The following PCDH15 variants were observed in gnomAD, a reference collection of about 807,000 sequenced individuals.
PCDH15 encodes the protein protocadherin related 15.
Under a neutral mutation model 178.5 loss-of-function variants are expected in PCDH15, and 129 were observed. That is an observed-to-expected ratio of 0.72 (90% CI 0.63 to 0.84). The LOEUF (loss-of-function observed/expected upper bound fraction) is 0.84, where lower values mean the gene tolerates loss of function less well. Ranked by LOEUF, PCDH15 falls within the 40% of genes least tolerant of loss-of-function variation. The pLI is 0.00. For synonymous variants in PCDH15, 800 were observed against 732.0 expected (o/e 1.09, Z -1.50); for missense variants, 2,230 against 2,099.9 (o/e 1.06, Z -1.21).
At chr10:54,477,918 A>G (rs1565375748) in intron 3 of PCDH15, among the ~76,000 whole-genome samples, 2 of 152,196 alleles carry the variant, frequency 1.3e-5, no homozygotes, top group South Asian at 4.1e-4. Flanking sequence ...AAAATGAAAT[A>G]CTTACTTGGC....
At chr10:54,465,185 C>T (rs963991757) in intron 3 of PCDH15, among the ~76,000 whole-genome samples, 4 of 152,024 alleles carry the variant, frequency 2.6e-5, no homozygotes, top group African/African-American at 7.2e-5. Flanking sequence ...TTTTGTTACA[C>T]GCGTATAACA....
intron 8 of PCDH15, among the ~76,000 whole-genome samples, chr10:54,276,146 T>C (rs888003893): frequency 6.6e-6 from 1 of 151,710 alleles, no homozygotes; most frequent in Non-Finnish European, 1.5e-5. Flanking sequence ...GAAAAACTGA[T>C]ACTCTTGAAG....
intron 26 of PCDH15, among the ~76,000 whole-genome samples, chr10:53,888,289 T>TATATATATATATATATATATAC (rs756987649): frequency 1.8e-5 from 1 of 54,612 alleles, no homozygotes; most frequent in Non-Finnish European, 2.9e-5. Context: ...ACACTATATA[T>TATATATATATATATATATATAC]ACATATATAT....
chr10:55,371,345 G>A (rs962390579), intron 2 of PCDH15, among the ~76,000 whole-genome samples: 1 of 151,932 alleles, frequency 6.6e-6, no homozygotes, highest in Non-Finnish European at 1.5e-5. Flanking sequence ...TTCGTGGAGG[G>A]GCCTTATAAT....
rs186893984 is a variant in PCDH15 at position 55,067,738 on chromosome 10, C to T, written c.-80+98838G>A. ...TATAAGAGTCTAATTTTCTCCGCAA[C>T]TCTGCCAGCATCTGTTACTTTCTGT... On this transcript the variant is annotated intron_variant, in intron 2 of 5. Coordinates refer to the PCDH15 transcript ENST00000458638. Among the ~76,000 whole-genome samples the T allele has an allele frequency of 2.2e-4, 34 of 151,116 alleles. 1 individual carries two copies. In the Middle Eastern group the frequency reaches 0.01, roughly 45 times the overall value.
chr10:54,113,909 G>C (rs978453799), intron 15 of PCDH15, among the ~76,000 whole-genome samples: 1 of 152,098 alleles, frequency 6.6e-6, no homozygotes, highest in Non-Finnish European at 1.5e-5. Flanking sequence ...GAGGAGAAAG[G>C]CATGTCTTAC....
chr10:55,184,291 C>A (rs1839736071), intron 1 of PCDH15, among the ~76,000 whole-genome samples: 1 of 151,976 alleles, frequency 6.6e-6, no homozygotes, highest in Admixed American at 6.6e-5. Context: ...GAAATATGGA[C>A]TCATCCGTAC....
At chr10:54,376,609 A>G (rs978262397) in intron 4 of PCDH15, among the ~76,000 whole-genome samples, 8 of 151,664 alleles carry the variant, frequency 5.3e-5, no homozygotes, top group African/African-American at 1.9e-4. Flanking sequence ...AGAAGAAAAA[A>G]TATCTTATTC....
At chr10:55,243,828 T>G (rs1025268831) in intron 1 of PCDH15, among the ~76,000 whole-genome samples, 5 of 152,140 alleles carry the variant, frequency 3.3e-5, no homozygotes, top group African/African-American at 9.6e-5. Context: ...CTTCCTGAAT[T>G]TATTCCTTTG....
chr10:54,695,575 G>C (rs931582176), intron 1 of PCDH15, among the ~76,000 whole-genome samples: 1 of 152,088 alleles, frequency 6.6e-6, no homozygotes, highest in African/African-American at 2.4e-5. Context: ...ACCTTCTATG[G>C]AAGGATGCCG....
intron 2 of PCDH15, among the ~76,000 whole-genome samples, chr10:55,118,010 C>G (rs1485438907): frequency 6.6e-6 from 1 of 151,956 alleles, no homozygotes; most frequent in Non-Finnish European, 1.5e-5. Flanking sequence ...TGAGAGAAAG[C>G]TATAAGAAGA....
intron 17 of PCDH15, among the ~76,000 whole-genome samples, chr10:54,079,126 C>G (rs2094393933): frequency 6.6e-6 from 1 of 152,146 alleles, no homozygotes; most frequent in South Asian, 2.1e-4. Flanking sequence ...TCTGTTCTGT[C>G]AAGTCAAAGG....
At chr10:53,823,629 TTTG>T (rs1414260287) in intron 32 of PCDH15, 1 of 522,160 alleles carries the variant, frequency 1.9e-6, no homozygotes, top group Admixed American at 2.9e-5. Context: ...ATTTTTTGTT[TTTG>T]TTTTTTTTCA....
At position 53,806,723 on chromosome 10, in the gene PCDH15, T is replaced by A. The variant is rs376372077; in HGVS notation, c.5079A>T (p.Lys1693Asn). 8 of 1,613,760 alleles carry A rather than the reference T, an allele frequency of 5.0e-6. No homozygotes were observed. Among genetic ancestry groups the A allele is most frequent in the Admixed American group, 1.7e-5 (1 of 59,974 alleles). Residue 1693 changes from lysine (K) to asparagine (N), a missense_variant, in exon 38 of 38, where the codon AAA (lysine) becomes AAT (asparagine). Coordinates refer to ENST00000644397, the MANE Select transcript of PCDH15 (RefSeq NM_001384140.1). ...TCATGGACTCCTGTTCAACTGTGCTTTTCAGCCTGTTCCTTAGTGGCTTCA... is the reference window on the plus strand; with the variant it reads ...TCATGGACTCCTGTTCAACTGTGCTATTCAGCCTGTTCCTTAGTGGCTTCA... ...TAVKPLRNRL[K>N]STVEQESMID...
chr10:54,965,768 G>A (rs2131888734), intron 2 of PCDH15, among the ~76,000 whole-genome samples: 1 of 150,606 alleles, frequency 6.6e-6, no homozygotes, highest in Admixed American at 6.6e-5. Flanking sequence ...CCTTTTCTGT[G>A]AATCTAAAAT....
chr10:54,016,486 C>T (rs1328814279), intron 20 of PCDH15, among the ~76,000 whole-genome samples: 2 of 147,694 alleles, frequency 1.4e-5, no homozygotes, highest in African/African-American at 4.9e-5. Flanking sequence ...ACCTAAATGC[C>T]CATCAATGGT....
intron 2 of PCDH15, among the ~76,000 whole-genome samples, chr10:55,607,223 G>A (rs200228187): frequency 3.7e-4 from 51 of 137,692 alleles, no homozygotes; most frequent in East Asian, 2.1e-3. Flanking sequence ...AGTTAGAATG[G>A]CAATCATTAA....
chr10:54,768,589 T>C (rs1591533207), intron 1 of PCDH15, among the ~76,000 whole-genome samples: 5 of 151,932 alleles, frequency 3.3e-5, no homozygotes, highest in South Asian at 2.1e-4. Context: ...TTTTGAAAAA[T>C]TGGAAAATAT....
intron 2 of PCDH15, among the ~76,000 whole-genome samples, chr10:55,619,279 C>T (rs1843540816): frequency 6.6e-6 from 1 of 150,860 alleles, no homozygotes; most frequent in Non-Finnish European, 1.5e-5. Flanking sequence ...TTTTTTTTAA[C>T]ATAATACATG....
Sources: gnomAD v4.1 joint callset for allele counts (sites outside exome capture counted in the v4.1 genomes callset) on GRCh38, gnomAD v4.1.1 for gene constraint, MANE v1.5 for transcripts, NCBI Gene and HGNC (gene_info 2026-07-23, HGNC 2026-07-21) for gene names.